The following GRIA3 variants were observed in gnomAD, a reference collection of about 807,000 sequenced individuals.
GRIA3 encodes the protein glutamate ionotropic receptor AMPA type subunit 3.
In GRIA3, 3 loss-of-function variants were observed where a neutral mutation model predicts 63.0. The ratio of observed to expected loss-of-function variants is 0.05; its 90% confidence interval spans 0.02 to 0.12. The LOEUF is 0.12. Among genes scored for constraint, GRIA3 ranks in the 10% least tolerant of loss-of-function variants. GRIA3 has a pLI of 1.00. For synonymous variants in GRIA3, 274 were observed against 257.9 expected (o/e 1.06, Z -0.60); for missense variants, 347 against 700.9 (o/e 0.50, Z 5.70).
At chrX:123,222,860 T>C (rs2044226206) in intron 2 of GRIA3, among the ~76,000 whole-genome samples, 3 of 112,237 alleles carry the variant, frequency 2.7e-5, no homozygotes, top group Non-Finnish European at 5.6e-5. Context: ...TCCTCTCTAA[T>C]ACTGCACACC....
intron 5 of GRIA3, among the ~76,000 whole-genome samples, chrX:123,373,744 T>A (rs2045265334): frequency 8.9e-6 from 1 of 112,109 alleles, no homozygotes; most frequent in Non-Finnish European, 1.9e-5. Context: ...TTTTGTAGAT[T>A]CTGGATATTA....
At chrX:123,455,987 G>T (rs779901292) in intron 12 of GRIA3, among the ~76,000 whole-genome samples, 3 of 111,535 alleles carry the variant, frequency 2.7e-5, no homozygotes, top group African/African-American at 9.8e-5. Flanking sequence ...TTTGGAAACT[G>T]CTTAGCAAGC....
chrX:123,350,569 G>A (rs895486169), intron 4 of GRIA3, among the ~76,000 whole-genome samples: 6 of 111,984 alleles, frequency 5.4e-5, no homozygotes, highest in African/African-American at 1.9e-4. Context: ...AAAGGAAAGG[G>A]CCTCTTACAT....
intron 4 of GRIA3, among the ~76,000 whole-genome samples, chrX:123,350,751 C>G (rs1383673146): frequency 1.8e-5 from 2 of 112,362 alleles, no homozygotes; most frequent in Non-Finnish European, 3.8e-5. Flanking sequence ...CTATATGCAT[C>G]ACTCTGTGTG....
At chrX:123,348,686 G>C (rs1214443521) in intron 4 of GRIA3, among the ~76,000 whole-genome samples, 1 of 111,945 alleles carries the variant, frequency 8.9e-6, no homozygotes, top group Non-Finnish European at 1.9e-5. Context: ...GACTCTAGCT[G>C]ATCAAAGCTG....
intron 12 of GRIA3, among the ~76,000 whole-genome samples, chrX:123,430,656 T>C (rs1158628326): frequency 9.1e-6 from 1 of 110,440 alleles, no homozygotes; most frequent in Non-Finnish European, 1.9e-5. Context: ...TCCCCTTCAT[T>C]CTTCAGTGAT....
chrX:123,488,449 C>A (rs2045953050), intron 15 of GRIA3, among the ~76,000 whole-genome samples: 1 of 112,194 alleles, frequency 8.9e-6, no homozygotes, highest in Admixed American at 9.4e-5. Context: ...GCCATGGAAA[C>A]TTTCTGGTAT....
chrX:123,369,870 G>A (rs1374480778), intron 5 of GRIA3, among the ~76,000 whole-genome samples: 1 of 111,576 alleles, frequency 9.0e-6, no homozygotes, highest in Non-Finnish European at 1.9e-5. Flanking sequence ...CAAGAGTTAT[G>A]GATAAGAAAA....
chrX:123,292,571 T>C (rs1436124822), intron 3 of GRIA3, among the ~76,000 whole-genome samples: 2 of 111,306 alleles, frequency 1.8e-5, no homozygotes, highest in African/African-American at 6.5e-5. Context: ...GAATTTTTCC[T>C]GGGGATTCTC....
intron 12 of GRIA3, among the ~76,000 whole-genome samples, chrX:123,464,662 C>T (rs1438435733): frequency 9.0e-6 from 1 of 111,217 alleles, no homozygotes; most frequent in Non-Finnish European, 1.9e-5. Flanking sequence ...TATCAGAGAG[C>T]ATCACACATA....
intron 12 of GRIA3, among the ~76,000 whole-genome samples, chrX:123,449,779 G>A (rs2045721114): frequency 2.7e-5 from 3 of 111,844 alleles, no homozygotes; most frequent in Non-Finnish European, 5.6e-5. Flanking sequence ...AGCATCTGTT[G>A]AGTTAACTTT....
chrX:123,330,491 T>C (rs922244120), intron 4 of GRIA3, among the ~76,000 whole-genome samples: 1 of 112,093 alleles, frequency 8.9e-6, no homozygotes, highest in African/African-American at 3.2e-5. Flanking sequence ...TCAGGTTAAA[T>C]CTTAAAACAG....
intron 5 of GRIA3, among the ~76,000 whole-genome samples, chrX:123,375,754 C>A (rs1418150236): frequency 8.9e-6 from 1 of 111,861 alleles, no homozygotes; most frequent in Non-Finnish European, 1.9e-5. Flanking sequence ...AATAGATGAA[C>A]CAGTAATCAG....
intron 12 of GRIA3, among the ~76,000 whole-genome samples, chrX:123,431,022 TCACATA>T (rs2045615058): frequency 4.0e-5 from 1 of 25,200 alleles, no homozygotes; most frequent in Admixed American, 6.0e-4. Context: ...AAACAGTAAC[TCACATA>T]CACACACACA....
chrX:123,189,052 C>T (rs1205256114), intron 2 of GRIA3, among the ~76,000 whole-genome samples: 1 of 111,826 alleles, frequency 8.9e-6, no homozygotes, highest in Non-Finnish European at 1.9e-5. Context: ...TATTCCATGT[C>T]CTACGAGGCC....
intron 3 of GRIA3, among the ~76,000 whole-genome samples, chrX:123,281,494 T>C (rs1486704540): frequency 8.9e-6 from 1 of 112,263 alleles, no homozygotes; most frequent in African/African-American, 3.2e-5. Flanking sequence ...AGAAATTATC[T>C]CTGTTGATCT....
intron 2 of GRIA3, among the ~76,000 whole-genome samples, chrX:123,200,615 A>G (rs1927709032): frequency 1.9e-5 from 2 of 102,719 alleles, no homozygotes; most frequent in Admixed American, 2.1e-4. Flanking sequence ...ACATACACAC[A>G]CACACACACA....
At chrX:123,258,989 T>C (rs1309025839) in intron 3 of GRIA3, among the ~76,000 whole-genome samples, 1 of 112,471 alleles carries the variant, frequency 8.9e-6, no homozygotes, top group East Asian at 2.8e-4. Context: ...GAATTAGATC[T>C]CAGCTCTGAG....
intron 3 of GRIA3, among the ~76,000 whole-genome samples, chrX:123,294,051 C>T (rs1312997666): frequency 2.9e-5 from 1 of 35,006 alleles, no homozygotes; most frequent in African/African-American, 1.1e-4. Context: ...AGAGTCCTTG[C>T]TAATAAAAAA....
Sources: allele counts gnomAD v4.1 joint callset (sites outside exome capture counted in the v4.1 genomes callset), GRCh38; gene constraint gnomAD v4.1.1; transcripts MANE v1.5; gene names NCBI Gene and HGNC (gene_info 2026-07-23, HGNC 2026-07-21).